Variants in CACNA1G observed in about 807,000 individuals in gnomAD.
The protein encoded by CACNA1G is calcium voltage-gated channel subunit alpha1 G, also known as voltage-dependent T-type calcium channel subunit alpha-1G.
A neutral mutation model predicts 219.4 loss-of-function variants in CACNA1G; 67 were observed. The observed-to-expected ratio is 0.31, with a 90% CI of 0.25 to 0.37. The LOEUF is 0.37. Ranked by LOEUF, CACNA1G falls within the 10% of genes least tolerant of loss-of-function variation. The pLI is 1.00. For synonymous variants in CACNA1G, 1,296 were observed against 1,345.3 expected (o/e 0.96, Z 0.80); for missense variants, 2,380 against 3,231.4 (o/e 0.74, Z 6.39).
chr17:50,568,839 C>G, intron 1 of CACNA1G, 31 bp from the exon 2 acceptor site: 1 of 1,582,068 alleles, frequency 6.3e-7, no homozygotes, highest in Non-Finnish European at 8.7e-7. Flanking sequence ...CAGCTCCAGC[C>G]TTGGCCAGCT....
chr17:50,604,324 G>A (rs2047468368), intron 22 of CACNA1G, 43 bp downstream of exon 22: 1 of 1,604,162 alleles, frequency 6.2e-7, no homozygotes. Flanking sequence ...AAAGCCTGAA[G>A]AGGGCCCTTC....
At position 50,599,840 on chromosome 17, in the gene CACNA1G, C is replaced by G. The variant is rs2046258351; in HGVS notation, c.3671C>G (p.Ala1224Gly). The G allele has an allele frequency of 6.2e-7, 1 of 1,608,008 alleles. No homozygotes were observed. The highest frequency in any genetic ancestry group is 1.1e-5 in the South Asian group (1 of 91,044). ...GACCCCCCACTGGATGGGGATGACGCCGATGACGAGGGCAACCTGGTGAGG... is the reference window on the plus strand; with the variant it reads ...GACCCCCCACTGGATGGGGATGACGGCGATGACGAGGGCAACCTGGTGAGG... ...PDDPPLDGDD[A>G]DDEGNLSKGE... The change falls in exon 17 of 38, where the codon GCC becomes GGC. Residue 1224 changes from alanine to glycine, a missense_variant. Transcript: ENST00000359106.
chr17:50,569,812 C>A lies in CACNA1G; in HGVS notation c.586+9C>A, dbSNP rs745651052. 13 of 1,544,566 alleles carry A rather than the reference C, an allele frequency of 8.4e-6. No individual in the cohort carries two copies. In the Admixed American group the frequency reaches 1.4e-4, roughly 16 times the overall value. ...CATTAACCGGGTGCCCAGTGAGTGA[C>A]CCCTCAGCCCTCAGCCCCTGAAGAG... On this transcript the variant is annotated intron_variant, in intron 4 of 37. Coordinates refer to ENST00000359106, the MANE Select transcript of CACNA1G (RefSeq NM_018896.5).
intron 37 of CACNA1G, among the ~76,000 whole-genome samples, chr17:50,625,171 C>A (rs1267813821): frequency 6.6e-6 from 1 of 152,126 alleles, no homozygotes; most frequent in African/African-American, 2.4e-5. Flanking sequence ...AGGCTGAGCT[C>A]GAGCTCCCAA....
intron 13 of CACNA1G, among the ~76,000 whole-genome samples, chr17:50,593,949 G>A (rs969554516): frequency 6.6e-6 from 1 of 152,216 alleles, no homozygotes; most frequent in Non-Finnish European, 1.5e-5. Flanking sequence ...CCTCTCCTGG[G>A]TAAGGTTTCA....
chr17:50,618,553 C>A lies in CACNA1G; in HGVS notation c.5428-102C>A. 1 of 1,070,028 alleles carries A rather than the reference C, an allele frequency of 9.3e-7. No individual in the cohort carries two copies. The allele number at this position is 1,070,028 out of a possible 1,614,324, so 66.3% of individuals were successfully genotyped here. On this transcript the variant is annotated intron_variant, in intron 32 of 37. Transcript: ENST00000359106. This position sits in a 1 kb window ranked among gnomAD's most constrained non-coding sequence, Gnocchi z 5.3. Reference sequence around the variant, plus strand: ...CAAACACTCCCTCCTCCTCCCCTTCCTTCCCATCCTCCAATGCTCTGTGAC... The same window carrying A: ...CAAACACTCCCTCCTCCTCCCCTTCATTCCCATCCTCCAATGCTCTGTGAC...
In CACNA1G at chr17:50,616,295, G is replaced by A; in HGVS notation, c.4932G>A (p.Lys1644=). Residue 1644 remains lysine, a synonymous_variant, in exon 28 of 38, where the codon AAG becomes AAA. Transcript: ENST00000359106. ...GCCAGATTCTGGATGAGGCTCTGAA[G>A]ATCTGCAACTACATCTTCACTGTCA... ...QQPQILDEAL[K]ICNYIFTVIF... 1.9e-6 allele frequency: 3 copies of A among 1,613,212 alleles called. No homozygotes were observed. Among genetic ancestry groups the A allele is most frequent in the East Asian group, 2.2e-5 (1 of 44,884 alleles).
At chr17:50,590,878 C>T (rs997048467) in intron 10 of CACNA1G, among the ~76,000 whole-genome samples, 1 of 152,162 alleles carries the variant, frequency 6.6e-6, no homozygotes, top group Non-Finnish European at 1.5e-5. Context: ...CTTTAGTCTC[C>T]TCTCTCCACT....
intron 20 of CACNA1G, 46 bp downstream of exon 20, chr17:50,602,934 G>A (rs747148227): frequency 1.2e-6 from 2 of 1,612,546 alleles, no homozygotes; most frequent in Non-Finnish European, 1.7e-6. Context: ...TCCTGGTGGG[G>A]GTGGAGACAG....
At chr17:50,562,599 G>A (rs2036175792) in intron 1 of CACNA1G, among the ~76,000 whole-genome samples, 1 of 152,120 alleles carries the variant, frequency 6.6e-6, no homozygotes, top group South Asian at 2.1e-4. Flanking sequence ...AGTGGGGGAT[G>A]GGGTTAAGCT....
intron 36 of CACNA1G, 35 bp from the exon 37 acceptor site, chr17:50,624,324 TC>T (rs768939053): frequency 1.0e-5 from 12 of 1,178,620 alleles, no homozygotes; most frequent in Non-Finnish European, 1.5e-5. Context: ...CTCCATTCTC[TC>T]CCCCCACCCC....
In CACNA1G at chr17:50,578,390, C is replaced by A; in HGVS notation, c.2127C>A (p.His709Gln). The A allele has an allele frequency of 6.2e-7, 1 of 1,613,376 alleles. No homozygotes were observed. The highest frequency in any genetic ancestry group is 1.3e-5 in the African/African-American group (1 of 75,044). ...AGCACAGCGACCTCCGGGACCCCCA[C>A]AGCCGGCGGCAACGGAGCCTGGGCC... ...DAQHSDLRDP[H>Q]SRRQRSLGPD... is the part of the protein sequence containing the mutation. The change falls in exon 9 of 38, where the codon CAC becomes CAA. Residue 709 changes from histidine to glutamine, a missense_variant. By Grantham distance (24) the His-to-Gln change is conservative (BLOSUM62 0). Around this residue, in one of 17 missense-constraint regions of CACNA1G, gnomAD observed 434 missense variants for 417.3 expected, o/e 1.04. Coordinates refer to ENST00000359106, the MANE Select transcript of CACNA1G (RefSeq NM_018896.5). The surrounding 1 kb of genome is among the most constrained non-coding windows in gnomAD (Gnocchi z 4.5).
At chr17:50,610,303 T>A (rs976012487) in intron 26 of CACNA1G, among the ~76,000 whole-genome samples, 13 of 152,368 alleles carry the variant, frequency 8.5e-5, no homozygotes, top group African/African-American at 3.1e-4. Flanking sequence ...GGGGAGACTT[T>A]GATCCAAGGG....
intron 22 of CACNA1G, 33 bp from the exon 23 acceptor site, chr17:50,605,865 C>T: frequency 6.2e-7 from 1 of 1,612,190 alleles, no homozygotes; most frequent in Non-Finnish European, 8.5e-7. Flanking sequence ...GGTCACAGCT[C>T]ACTTTTCTCT....
chr17:50,604,288 G>A lies in CACNA1G; in HGVS notation c.4296+7G>A. On this transcript the variant is annotated splice_region_variant and intron_variant, in intron 22 of 37. Transcript: ENST00000359106. ...CGGCATCTTGGGGGTGCAGGTGTGT[G>A]GGGTTCTGGGGGCCAGCTGTGGGTG... is the stretch of plus-strand genomic sequence containing the variant. 1 of 1,612,724 alleles carries A rather than the reference G, an allele frequency of 6.2e-7. No individual in the cohort carries two copies. The highest frequency in any genetic ancestry group is 8.5e-7 in the Non-Finnish European group (1 of 1,178,940).
At chr17:50,610,140 C>T (rs986001201) in intron 26 of CACNA1G, among the ~76,000 whole-genome samples, 10 of 152,330 alleles carry the variant, frequency 6.6e-5, no homozygotes, top group East Asian at 1.9e-4. Context: ...GCCTCTCTGC[C>T]GACGCCCTTT....
At chr17:50,623,091 CTTT>C (rs35688516) in intron 35 of CACNA1G, among the ~76,000 whole-genome samples, 9 of 79,408 alleles carry the variant, frequency 1.1e-4, no homozygotes, top group Admixed American at 6.7e-4. Flanking sequence ...CTGCTGTTGG[CTTT>C]TTTTTTTTTT....
chr17:50,619,100 A>G lies in CACNA1G; in HGVS notation c.5781+92A>G, dbSNP rs574813872. ...CGGGAGCCAAGCGGGCAGCACACAA[A>G]CCCTAGGCTCCTCCTGGAGGCTCCC... On this transcript the variant is annotated intron_variant, in intron 33 of 37. Coordinates refer to ENST00000359106, the MANE Select transcript of CACNA1G (RefSeq NM_018896.5). 17 of 983,552 alleles carry G rather than the reference A, an allele frequency of 1.7e-5. No individual in the cohort carries two copies. The Admixed American group carries it at 2.6e-4, about 15-fold the overall frequency. 60.9% of individuals were successfully genotyped at this position (983,552 alleles called of 1,614,324 possible).
intron 16 of CACNA1G, 108 bp downstream of exon 16, chr17:50,597,031 G>T (rs1472715684): frequency 5.8e-6 from 6 of 1,042,072 alleles, no homozygotes; most frequent in Non-Finnish European, 8.1e-6. Context: ...TGCCCCATGG[G>T]CTGGATGGGG....
Sources: allele counts gnomAD v4.1 joint callset (sites outside exome capture counted in the v4.1 genomes callset), GRCh38; gene constraint gnomAD v4.1.1; regional missense constraint gnomAD v4.1.1; non-coding constraint Gnocchi (gnomAD v3.1); transcripts MANE v1.5; gene names NCBI Gene and HGNC (gene_info 2026-07-23, HGNC 2026-07-21).